Variants in CDH4 observed in about 807,000 individuals in gnomAD.
CDH4 encodes the protein cadherin-4.
In CDH4, 33 loss-of-function variants were observed where a neutral mutation model predicts 86.0. The ratio of observed to expected loss-of-function variants is 0.38; its 90% confidence interval spans 0.29 to 0.51. CDH4 has a LOEUF of 0.51. Ranked by LOEUF, CDH4 falls within the 20% of genes least tolerant of loss-of-function variation. CDH4 has a pLI of 0.86. For missense variants in CDH4, 1,114 were observed against 1,307.4 expected (o/e 0.85, Z 2.28); for synonymous variants, 555 against 549.4 (o/e 1.01, Z -0.14).
chr20:61,405,282 C>G (rs909164478), intron 2 of CDH4, among the ~76,000 whole-genome samples: 2 of 151,560 alleles, frequency 1.3e-5, no homozygotes, highest in African/African-American at 4.9e-5. Context: ...TCCGTAATCC[C>G]CCTCCTGTGA....
At chr20:61,499,875 C>G (rs762110312) in intron 2 of CDH4, among the ~76,000 whole-genome samples, 2 of 152,166 alleles carry the variant, frequency 1.3e-5, no homozygotes, top group Non-Finnish European at 2.9e-5. Flanking sequence ...TTGTTTTCTC[C>G]CCTCCAGATG....
chr20:61,467,334 G>T (rs576800469), intron 2 of CDH4, among the ~76,000 whole-genome samples: 1 of 152,160 alleles, frequency 6.6e-6, no homozygotes, highest in African/African-American at 2.4e-5. Context: ...ACATATCAGC[G>T]TTCCATTTGG....
At chr20:61,475,402 T>C (rs4925237) in intron 2 of CDH4, among the ~76,000 whole-genome samples, 132,371 of 140,214 alleles carry the variant, frequency 0.94, 62,585 homozygotes, top group East Asian at 1. Flanking sequence ...GAATCCTCAG[T>C]GACCCTGCCT....
At chr20:61,367,245 TGA>T (rs34134614) in intron 2 of CDH4, among the ~76,000 whole-genome samples, 26,720 of 152,054 alleles carry the variant, frequency 0.18, 3,015 homozygotes, top group East Asian at 0.36. Context: ...CTAACACACC[TGA>T]GAGTGTCTTC....
intron 4 of CDH4, among the ~76,000 whole-genome samples, chr20:61,806,569 G>T (rs533936652): frequency 0.019 from 2,150 of 112,878 alleles, 62 homozygotes; most frequent in African/African-American, 0.064. Context: ...ACATGTCCAC[G>T]CGCACGCACA....
intron 2 of CDH4, among the ~76,000 whole-genome samples, chr20:61,349,111 A>G (rs1320348545): frequency 2.6e-5 from 4 of 152,192 alleles, no homozygotes; most frequent in Non-Finnish European, 5.9e-5. Flanking sequence ...GATCACACGT[A>G]TGTCATGGGA....
chr20:61,537,342 C>T (rs996762173), intron 2 of CDH4, among the ~76,000 whole-genome samples: 11 of 152,148 alleles, frequency 7.2e-5, no homozygotes, highest in Non-Finnish European at 1.3e-4. Flanking sequence ...TGTAGAGAAG[C>T]ATCACACAGC....
chr20:61,863,522 C>T (rs1983418696), intron 6 of CDH4, among the ~76,000 whole-genome samples: 2 of 152,202 alleles, frequency 1.3e-5, no homozygotes, highest in Admixed American at 6.5e-5. Flanking sequence ...CTGCTGGCCA[C>T]ATCTTTCCTG....
chr20:61,826,709 A>T (rs892237565), intron 4 of CDH4, among the ~76,000 whole-genome samples: 6 of 152,222 alleles, frequency 3.9e-5, no homozygotes, highest in Non-Finnish European at 8.8e-5. Context: ...TACTGCATGC[A>T]TTAGGGTGTG....
chr20:61,651,869 A>C (rs1397629108), intron 2 of CDH4, among the ~76,000 whole-genome samples: 3 of 152,238 alleles, frequency 2.0e-5, no homozygotes, highest in Non-Finnish European at 4.4e-5. Flanking sequence ...GTGGGAAGCC[A>C]TCGGGGCTGG....
In CDH4 at chr20:61,744,526, GGA is replaced by G. The variant is rs57313817; in HGVS notation, c.396+746_396+747del. On this transcript the variant is annotated intron_variant, in intron 3 of 15. Transcript: ENST00000614565. ...GGAAAGGGAGGGGAGAGGAAGAGAG[GGA>G]GAGAGAGAAGGAGGGAGAGAGATGG... is the stretch of plus-strand genomic sequence containing the variant. Among the ~76,000 whole-genome samples the G allele has an allele frequency of 3.1e-3, 169 of 54,732 alleles. 13 individuals carry two copies. The highest frequency in any genetic ancestry group is 3.5e-3 in the Non-Finnish European group (100 of 28,262). 35.9% of individuals were successfully genotyped at this position (54,732 alleles called of 152,430 possible).
At chr20:61,349,718 C>G (rs2123297127) in intron 2 of CDH4, among the ~76,000 whole-genome samples, 1 of 152,290 alleles carries the variant, frequency 6.6e-6, no homozygotes, top group African/African-American at 2.4e-5. Context: ...ATCACACAGT[C>G]CCTCGTGGAG....
intron 4 of CDH4, among the ~76,000 whole-genome samples, chr20:61,844,214 A>G (rs2146101163): frequency 6.6e-6 from 1 of 152,178 alleles, no homozygotes; most frequent in South Asian, 2.1e-4. Context: ...TGGACTTGGG[A>G]CCCGGATAAC....
At chr20:61,920,728 A>G (rs2054969854) in intron 9 of CDH4, among the ~76,000 whole-genome samples, 2 of 146,836 alleles carry the variant, frequency 1.4e-5, no homozygotes, top group Admixed American at 6.8e-5. Context: ...GATTGCATGG[A>G]AGCGTGGTGT....
At chr20:61,718,973 CTGCCCTGCACCA>C in intron 2 of CDH4, 1 of 471,264 alleles carries the variant, frequency 2.1e-6, no homozygotes, top group Non-Finnish European at 4.4e-6. Flanking sequence ...GCCCTGCCCC[CTGCCCTGCACCA>C]GATGAAAGAG....
At chr20:61,841,070 C>A (rs184718283) in intron 4 of CDH4, among the ~76,000 whole-genome samples, 6 of 152,338 alleles carry the variant, frequency 3.9e-5, no homozygotes, top group Admixed American at 6.5e-5. Flanking sequence ...AATCTACAAC[C>A]CATCCTTCCG....
intron 2 of CDH4, among the ~76,000 whole-genome samples, chr20:61,714,012 T>G (rs1236807286): frequency 6.6e-6 from 1 of 151,362 alleles, no homozygotes; most frequent in Non-Finnish European, 1.5e-5. Context: ...TAGTCCATTG[T>G]CTATTCTTTT....
intron 2 of CDH4, among the ~76,000 whole-genome samples, chr20:61,558,173 C>T (rs569720264): frequency 6.6e-6 from 1 of 152,254 alleles, no homozygotes; most frequent in South Asian, 2.1e-4. Flanking sequence ...ATGTCTTTCA[C>T]CCCATTTAGC....
chr20:61,713,326 C>T (rs983866642), intron 2 of CDH4, among the ~76,000 whole-genome samples: 1 of 152,220 alleles, frequency 6.6e-6, no homozygotes, highest in African/African-American at 2.4e-5. Flanking sequence ...CCCCCCCAGA[C>T]CTCCTGCAAG....
Sources: allele counts gnomAD v4.1 joint callset (sites outside exome capture counted in the v4.1 genomes callset), GRCh38; gene constraint gnomAD v4.1.1; transcripts MANE v1.5; gene names NCBI Gene and HGNC (gene_info 2026-07-23, HGNC 2026-07-21).